GOLGA8O: variants seen among roughly 807,000 people sequenced by gnomAD.
The protein encoded by GOLGA8O is golgin subfamily A member 8O.
A neutral mutation model predicts 29.7 loss-of-function variants in GOLGA8O; 4 were observed. That is an observed-to-expected ratio of 0.13 (90% CI 0.07 to 0.31). GOLGA8O has a LOEUF of 0.31. GOLGA8O is among the 10% of genes least tolerant of loss of function. The pLI is 1.00. For missense variants in GOLGA8O, 32 were observed against 216.5 expected, an observed-to-expected ratio of 0.15 and a Z score of 5.35; for synonymous variants, 6 against 78.0, an observed-to-expected ratio of 0.08 and a Z score of 4.87.
Position 32,445,906 on chromosome 15 carries a change from CA to C in GOLGA8O, c.1369-9del, listed in dbSNP as rs754349804. On this transcript the variant is annotated splice_polypyrimidine_tract_variant and intron_variant, in intron 15 of 18. Transcript: ENST00000509311. ...GTGGTCCATAAAGCTGCTCTGGAGA[CA>C]AAATATTGCAGTCACATCTCGGCAG... 8.9e-6 allele frequency: 6 copies of C among 674,360 alleles called. 3 individuals are homozygous for C. The East Asian group carries it at 2.3e-4, about 26-fold the overall frequency. The allele number at this position is 674,360 out of a possible 1,614,324, so 41.8% of individuals were successfully genotyped here.
rs1272565103 is a variant in GOLGA8O at position 32,451,633 on chromosome 15, G to T, written c.316C>A (p.Gln106Lys). The change falls in exon 5 of 19, where the codon CAG becomes AAG. Residue 106 changes from glutamine to lysine, a missense_variant. Physicochemically the swap from Gln to Lys is moderately conservative, Grantham distance 53. Coordinates refer to ENST00000509311, the MANE Select transcript of GOLGA8O (RefSeq NM_001277308.1). Reference protein sequence around the residue: ...LKNTIKSLKQQKKQVEHQLEE... With the variant: ...LKNTIKSLKQKKKQVEHQLEE... ...AGCTGATGTTCCACTTGTTTCTTCTGTTGTTTCTGTGGGGAGAGTCAAATA... is the reference window on the plus strand; with the variant it reads ...AGCTGATGTTCCACTTGTTTCTTCTTTTGTTTCTGTGGGGAGAGTCAAATA... 6.4e-7 allele frequency: 1 copy of T among 1,565,056 alleles called. No homozygotes were observed. The highest frequency in any genetic ancestry group is 2.3e-5 in the East Asian group (1 of 43,986).
intron 15 of GOLGA8O, 25 bp downstream of exon 15, chr15:32,446,449 G>C (rs760611638): frequency 6.4e-7 from 1 of 1,564,158 alleles, no homozygotes; most frequent in East Asian, 2.4e-5. Flanking sequence ...GTGGCAAAAT[G>C]GGTGCAGGGG....
At position 32,452,775 on chromosome 15, in the gene GOLGA8O, G is replaced by C. The variant is rs1234450521; in HGVS notation, c.206C>G (p.Ser69Cys). 2 of 216,080 alleles carry C rather than the reference G, an allele frequency of 9.3e-6. No homozygotes were observed. The highest frequency in any genetic ancestry group is 2.5e-4 in the African/African-American group (2 of 7,984). The allele number at this position is 216,080 out of a possible 1,614,324, so 13.4% of individuals were successfully genotyped here. The change falls in exon 3 of 19, where the codon TCT becomes TGT. Residue 69 changes from serine to cysteine, a missense_variant. Transcript: ENST00000509311. Reference protein sequence around the residue: ...TGFHREGPTSSATLKDLESPC... With the variant: ...TGFHREGPTSCATLKDLESPC... ...TACCTCCAGATCTTTCAGGGTAGCAGATGATGTAGGGCCTTCCCTGTGGAA... is the reference window on the plus strand; with the variant it reads ...TACCTCCAGATCTTTCAGGGTAGCACATGATGTAGGGCCTTCCCTGTGGAA...
At position 32,452,494 on chromosome 15, in the gene GOLGA8O, AG is replaced by A; in HGVS notation, c.305del (p.Ser102PhefsTer2). 1.7e-6 allele frequency: 1 copy of A among 588,502 alleles called. No homozygotes were observed. 36.5% of individuals were successfully genotyped at this position (588,502 alleles called of 1,614,324 possible). ...GGGGACCCCACCGGACTCTTACCAAAGATTTGATGGTGTTCTTCAGTCGACT... is the reference window on the plus strand; with the variant it reads ...GGGGACCCCACCGGACTCTTACCAAAATTTGATGGTGTTCTTCAGTCGACT... ...KISRLKNTIK[S>X]LKQQKKQVEH... On this transcript the variant is annotated frameshift_variant, in exon 4 of 19. Coordinates refer to ENST00000509311, the MANE Select transcript of GOLGA8O (RefSeq NM_001277308.1). LOFTEE classifies it high-confidence loss of function.
upstream of GOLGA8O, among the ~76,000 whole-genome samples, chr15:32,458,629 T>TTA (rs371865243): frequency 7.3e-4 from 49 of 67,310 alleles, no homozygotes; most frequent in African/African-American, 2.4e-3. Flanking sequence ...TTATTTTTAT[T>TTA]TTTATTTATT....
At position 32,450,993 on chromosome 15, in the gene GOLGA8O, G is replaced by A. The variant is rs1164934414; in HGVS notation, c.511C>T (p.Gln171Ter). Residue 171 changes from glutamine to a stop codon, truncating the protein, a stop_gained, in exon 8 of 19, where the codon CAA becomes TAA. Transcript: ENST00000509311. LOFTEE classifies it high-confidence loss of function. Reference protein sequence around the residue: ...EESKDLAVRLQHSLQCKGELE... With the variant: ...EESKDLAVRL ...TCTCCTTTACACTGCAATGAATGTT[G>A]CAGGCGGACAGCCAGGTCCTTGGAC... 2 of 1,399,192 alleles carry A rather than the reference G, an allele frequency of 1.4e-6. No homozygotes were observed. Among genetic ancestry groups the A allele is most frequent in the Non-Finnish European group, 1.9e-6 (2 of 1,037,080 alleles). The allele number at this position is 1,399,192 out of a possible 1,614,324, so 86.7% of individuals were successfully genotyped here.
In GOLGA8O at chr15:32,450,926, T is replaced by C; in HGVS notation, c.578A>G (p.Lys193Arg). ...GGCTGGACTCACCTGGTTTGCCTTC[T>C]TCTTCTCTGTGGCGATGACAGCAGA... ...ALSAVIATEK[K>R]KANQLSSCSK... Residue 193 changes from lysine (K) to arginine (R), a missense_variant, in exon 8 of 19, where the codon AAG becomes AGG. Physicochemically the swap from Lys to Arg is conservative, Grantham distance 26 (BLOSUM62 2). Transcript: ENST00000509311. 1.6e-6 allele frequency: 2 copies of C among 1,288,650 alleles called. No individual in the cohort carries two copies. Among genetic ancestry groups the C allele is most frequent in the East Asian group, 2.5e-5 (1 of 39,554 alleles). 79.8% of individuals were successfully genotyped at this position (1,288,650 alleles called of 1,614,324 possible).
At chr15:32,450,196 GT>G (rs1386661532) in intron 8 of GOLGA8O, among the ~76,000 whole-genome samples, 2 of 46,262 alleles carry the variant, frequency 4.3e-5, no homozygotes, top group African/African-American at 1.1e-4. Flanking sequence ...ATAGGAGACA[GT>G]TACTATGATT....
At chr15:32,458,688 G>C (rs1290786182), upstream of GOLGA8O, among the ~76,000 whole-genome samples, 1 of 110,576 alleles carries the variant, frequency 9.0e-6, no homozygotes, top group Admixed American at 8.6e-5. Context: ...CGCCCAGGTT[G>C]GAATGCAGGA....
the GOLGA8O span, among the ~76,000 whole-genome samples, chr15:32,460,751 G>A: frequency 4.3e-4 from 41 of 95,492 alleles, 9 homozygotes; most frequent in African/African-American, 1.9e-3. Context: ...ATCATTTTAC[G>A]ATGAAACAGC....
rs1288424729 is a variant in GOLGA8O at position 32,444,319 on chromosome 15, T to A, written c.*787A>T. Among the ~76,000 whole-genome samples the A allele has an allele frequency of 8.1e-6, 1 of 123,570 alleles. No individual in the cohort carries two copies. Among genetic ancestry groups the A allele is most frequent in the African/African-American group, 2.8e-5 (1 of 36,264 alleles). 81.1% of individuals were successfully genotyped at this position (123,570 alleles called of 152,430 possible). A position where few individuals can be genotyped will look rare whatever the true frequency, so the allele number is the denominator to read the frequency against. Reference sequence around the variant, plus strand: ...TTAGGTCATCGAAAAAGAGTGCAACTGCTGCAGCTCATGATGCAATATCTT... The same window carrying A: ...TTAGGTCATCGAAAAAGAGTGCAACAGCTGCAGCTCATGATGCAATATCTT... On this transcript the variant is annotated 3_prime_UTR_variant, in exon 19 of 19. Transcript: ENST00000509311.
At chr15:32,457,012 A>C (rs2055194090), upstream of GOLGA8O, among the ~76,000 whole-genome samples, 1 of 42,970 alleles carries the variant, frequency 2.3e-5, no homozygotes. Flanking sequence ...TATGGATGAC[A>C]TGTTCATTTT....
chr15:32,459,343 T>A (rs1454542468), upstream of GOLGA8O, among the ~76,000 whole-genome samples: 2 of 110,322 alleles, frequency 1.8e-5, no homozygotes, highest in African/African-American at 7.1e-5. Flanking sequence ...AGAATAGATA[T>A]TTAAGGAAAG....
chr15:32,452,399 A>G, intron 4 of GOLGA8O, 92 bp downstream of exon 4: 1 of 277,924 alleles, frequency 3.6e-6, no homozygotes, highest in Non-Finnish European at 6.2e-6. Flanking sequence ...CCCGGGCACC[A>G]GGGACCCCCA....
upstream of GOLGA8O, among the ~76,000 whole-genome samples, chr15:32,458,646 T>C (rs1232476787): frequency 9.8e-6 from 1 of 102,244 alleles, no homozygotes; most frequent in African/African-American, 4.2e-5. Flanking sequence ...TATTTATTTA[T>C]TTATTTATTT....
chr15:32,451,626 T>G lies in GOLGA8O; in HGVS notation c.323A>C (p.Lys108Thr). ...NTIKSLKQQKKQVEHQLEEEK... is the reference protein window; with the variant it reads ...NTIKSLKQQKTQVEHQLEEEK... ...TTCTTCCAGCTGATGTTCCACTTGT[T>G]TCTTCTGTTGTTTCTGTGGGGAGAG... The change falls in exon 5 of 19, where the codon AAA (lysine) becomes ACA (threonine). Residue 108 changes from lysine to threonine, a missense_variant. Coordinates refer to ENST00000509311, the MANE Select transcript of GOLGA8O (RefSeq NM_001277308.1). 1 of 1,567,298 alleles carries G rather than the reference T, an allele frequency of 6.4e-7. No individual in the cohort carries two copies. The highest frequency in any genetic ancestry group is 1.1e-5 in the South Asian group (1 of 89,860).
Position 32,453,221 on chromosome 15 carries a change from A to G in GOLGA8O, c.169-409T>C, listed in dbSNP as rs1309490992. 2.1e-3 allele frequency among the ~76,000 whole-genome samples: 103 copies of G among 49,950 alleles called. 20 individuals are homozygous for G. Among genetic ancestry groups the G allele is most frequent in the East Asian group, 0.015 (28 of 1,914 alleles). The allele number at this position is 49,950 out of a possible 152,430, so 32.8% of individuals were successfully genotyped here. A position where few individuals can be genotyped will look rare whatever the true frequency, so the allele number is the denominator to read the frequency against. On this transcript the variant is annotated intron_variant, in intron 2 of 18. Transcript: ENST00000509311. ...TATACAGATGTGAAAAGAGAGGCCC[A>G]ATGAGGTCTAGCAACTTGCCCTAAA...
Position 32,451,574 on chromosome 15 carries a change from T to C in GOLGA8O, c.348+27A>G, listed in dbSNP as rs539207335. On this transcript the variant is annotated intron_variant, in intron 5 of 18. Coordinates refer to ENST00000509311, the MANE Select transcript of GOLGA8O (RefSeq NM_001277308.1). ...GAGTGCCCCCCAAACCCAGCAGTCA[T>C]GTCGCGAGGAAACGAAATCACGTTA... 9.4e-5 allele frequency: 150 copies of C among 1,589,560 alleles called. 3 individuals carry two copies. In the South Asian group the frequency reaches 1.2e-3, roughly 13 times the overall value.
chr15:32,453,665 G>GC, intron 2 of GOLGA8O, 38 bp downstream of exon 2: 3 of 556,892 alleles, frequency 5.4e-6, no homozygotes, highest in Non-Finnish European at 8.3e-6. Flanking sequence ...TGCCCCTTGG[G>GC]CCCCCTGTCC....
Sources: gnomAD v4.1 joint callset for allele counts (sites outside exome capture counted in the v4.1 genomes callset) on GRCh38, gnomAD v4.1.1 for gene constraint, MANE v1.5 for transcripts, NCBI Gene and HGNC (gene_info 2026-07-23, HGNC 2026-07-21) for gene names.